The following CNR2 variants were observed in gnomAD, a reference collection of about 807,000 sequenced individuals.
The protein encoded by CNR2 is cannabinoid receptor 2, also known as cannabinoid receptor 2 (macrophage).
For synonymous variants in CNR2, 172 were observed against 182.2 expected, an observed-to-expected ratio of 0.94 and a Z score of 0.45; for missense variants, 379 against 439.9, an observed-to-expected ratio of 0.86 and a Z score of 1.24.
At chr1:23,877,539 G>T (rs893833214) in intron 1 of CNR2, among the ~76,000 whole-genome samples, 1 of 152,130 alleles carries the variant, frequency 6.6e-6, no homozygotes, top group African/African-American at 2.4e-5. Flanking sequence ...GGAGGCTGAG[G>T]CAGGAGAATG....
chr1:23,907,981 C>CTTTTTTTTTTTTTT (rs35507609), intron 1 of CNR2: 1 of 79,290 alleles, frequency 1.3e-5, no homozygotes, highest in Non-Finnish European at 2.2e-5. Context: ...CTAACTACTG[C>CTTTTTTTTTTTTTT]TTTTTTTTTT....
intron 1 of CNR2, among the ~76,000 whole-genome samples, chr1:23,910,654 CAAAAAAAAAA>C (rs34083515): frequency 9.3e-5 from 3 of 32,194 alleles, no homozygotes; most frequent in East Asian, 1.2e-3. Flanking sequence ...AACGCTGTCT[CAAAAAAAAAA>C]AAAAAAAAAA....
intron 1 of CNR2, among the ~76,000 whole-genome samples, chr1:23,898,124 T>A (rs1640315387): frequency 6.6e-6 from 1 of 151,742 alleles, no homozygotes; most frequent in Admixed American, 6.6e-5. Context: ...CCTCCTGGGT[T>A]CACGCCATTC....
In CNR2 at chr1:23,874,577, A is replaced by T. The variant is rs578041043; in HGVS notation, c.1041T>A (p.Thr347=). ...VTETEADGKI[T]PWPDSRDLDL... ...CTAGATCTCTGGAATCTGGCCACGG[A>T]GTGATTTTCCCATCAGCCTCTGTCT... Residue 347 remains threonine (T), a synonymous_variant, in exon 2 of 2, where the codon ACT becomes ACA. Coordinates refer to ENST00000374472, the MANE Select transcript of CNR2 (RefSeq NM_001841.3). The T allele has an allele frequency of 1.2e-6, 2 of 1,613,982 alleles. No homozygotes were observed. Among genetic ancestry groups the T allele is most frequent in the Non-Finnish European group, 1.7e-6 (2 of 1,179,988 alleles).
At chr1:23,877,385 C>T (rs1639903162) in intron 1 of CNR2, among the ~76,000 whole-genome samples, 2 of 152,100 alleles carry the variant, frequency 1.3e-5, no homozygotes, top group Admixed American at 1.3e-4. Context: ...CCTGTAATCC[C>T]AGCACTTTGG....
At chr1:23,910,676 A>AAG (rs1553143219) in intron 1 of CNR2, among the ~76,000 whole-genome samples, 4 of 149,798 alleles carry the variant, frequency 2.7e-5, no homozygotes, top group Non-Finnish European at 4.4e-5. Flanking sequence ...AAAAAAAAAA[A>AAG]AAAGAAAGAA....
At chr1:23,907,663 G>A (rs2148471769) in intron 1 of CNR2, 1 of 151,888 alleles carries the variant, frequency 6.6e-6, no homozygotes, top group Non-Finnish European at 1.5e-5. Flanking sequence ...GCTAATTTTT[G>A]TATTTTTTAA....
chr1:23,898,982 A>G (rs922584628), intron 1 of CNR2, among the ~76,000 whole-genome samples: 18 of 152,104 alleles, frequency 1.2e-4, no homozygotes, highest in African/African-American at 4.1e-4. Flanking sequence ...AAATGTTTTC[A>G]TTCTATTTTT....
intron 1 of CNR2, among the ~76,000 whole-genome samples, chr1:23,878,125 G>T (rs1019387594): frequency 2.0e-5 from 3 of 152,082 alleles, no homozygotes; most frequent in Non-Finnish European, 2.9e-5. Context: ...GAAAACTGGT[G>T]GTGGGCAATA....
At chr1:23,906,680 C>T (rs1477011547) in intron 1 of CNR2, among the ~76,000 whole-genome samples, 1 of 151,478 alleles carries the variant, frequency 6.6e-6, no homozygotes, top group Non-Finnish European at 1.5e-5. Context: ...CCGCACCCGG[C>T]CAATTCATAC....
intron 1 of CNR2, among the ~76,000 whole-genome samples, chr1:23,888,213 C>G (rs1640122841): frequency 6.6e-6 from 1 of 152,194 alleles, no homozygotes; most frequent in Admixed American, 6.6e-5. Flanking sequence ...TTCGGTCTCT[C>G]TGGTTCCTTA....
intron 1 of CNR2, among the ~76,000 whole-genome samples, chr1:23,896,551 G>A (rs1640288916): frequency 6.6e-6 from 1 of 152,194 alleles, no homozygotes; most frequent in East Asian, 1.9e-4. Context: ...CAAGTTCTTT[G>A]CTAGTTGGTA....
In CNR2 at chr1:23,900,618, TGCCTCA is replaced by T. The variant is rs558723459; in HGVS notation, c.-46+12622_-46+12627del. Among the ~76,000 whole-genome samples, 21 of 151,726 alleles carry T rather than the reference TGCCTCA, an allele frequency of 1.4e-4. No homozygotes were observed. The East Asian group carries it at 3.9e-3, about 28-fold the overall frequency. On this transcript the variant is annotated intron_variant, in intron 1 of 1. Coordinates refer to ENST00000374472, the MANE Select transcript of CNR2 (RefSeq NM_001841.3). ...GCCTCCCAGGTTCAAGCAATTCTCTTGCCTCAGCCTCCCAAGTAGCTGGGATTACAG... is the reference window on the plus strand; with the variant it reads ...GCCTCCCAGGTTCAAGCAATTCTCTTGCCTCCCAAGTAGCTGGGATTACAG...
intron 1 of CNR2, among the ~76,000 whole-genome samples, chr1:23,880,632 C>T (rs1639968480): frequency 6.6e-6 from 1 of 151,970 alleles, no homozygotes; most frequent in Admixed American, 6.6e-5. Context: ...ATGGCGCGAT[C>T]TTGGCTCATT....
intron 1 of CNR2, among the ~76,000 whole-genome samples, chr1:23,898,292 C>T (rs1640320368): frequency 6.6e-6 from 1 of 150,496 alleles, no homozygotes; most frequent in African/African-American, 2.4e-5. Context: ...CCGCCTCAGC[C>T]TCCCAAAGTG....
chr1:23,874,476 C>G lies in CNR2; in HGVS notation c.*59G>C. 6.5e-7 allele frequency: 1 copy of G among 1,539,644 alleles called. No individual in the cohort carries two copies. The highest frequency in any genetic ancestry group is 8.8e-7 in the Non-Finnish European group (1 of 1,141,008). ...GAAGAGAGTGCCAAGACCCCTCTCTCTCTTCCAGGGAGTGAACTGATTTCT... is the reference window on the plus strand; with the variant it reads ...GAAGAGAGTGCCAAGACCCCTCTCTGTCTTCCAGGGAGTGAACTGATTTCT... On this transcript the variant is annotated 3_prime_UTR_variant, in exon 2 of 2. Transcript: ENST00000374472.
At chr1:23,882,651 C>CAAAAAAA (rs34245051) in intron 1 of CNR2, among the ~76,000 whole-genome samples, 2 of 112,678 alleles carry the variant, frequency 1.8e-5, no homozygotes, top group Non-Finnish European at 3.4e-5. Context: ...ACTAAAAATA[C>CAAAAAAA]AAAAAAAAAA....
At chr1:23,910,676 A>AAAAG (rs1640568794) in intron 1 of CNR2, among the ~76,000 whole-genome samples, 1 of 149,800 alleles carries the variant, frequency 6.7e-6, no homozygotes, top group Non-Finnish European at 1.5e-5. Flanking sequence ...AAAAAAAAAA[A>AAAAG]AAAGAAAGAA....
chr1:23,893,933 G>A (rs964743654), intron 1 of CNR2, among the ~76,000 whole-genome samples: 1 of 151,798 alleles, frequency 6.6e-6, no homozygotes, highest in East Asian at 1.9e-4. Context: ...AGACCAGCCC[G>A]GGTAACATGA....
Sources: gnomAD v4.1 joint callset for allele counts (sites outside exome capture counted in the v4.1 genomes callset) on GRCh38, gnomAD v4.1.1 for gene constraint, MANE v1.5 for transcripts, NCBI Gene and HGNC (gene_info 2026-07-23, HGNC 2026-07-21) for gene names.